CPED1: variants seen among roughly 807,000 people sequenced by gnomAD.
CPED1 encodes cadherin-like and PC-esterase domain-containing protein 1.
In CPED1, 114 loss-of-function variants were observed where a neutral mutation model predicts 128.2. The observed-to-expected ratio is 0.89, with a 90% CI of 0.76 to 1.04. The LOEUF is 1.04. Among genes scored for constraint, CPED1 ranks in the 50% least tolerant of loss-of-function variants. The pLI is 0.00. For missense variants in CPED1, 1,211 were observed against 1,207.1 expected (o/e 1.00, Z -0.05); for synonymous variants, 462 against 426.7 (o/e 1.08, Z -1.02).
At chr7:121,137,696 T>C (rs2116355559) in intron 14 of CPED1, among the ~76,000 whole-genome samples, 1 of 152,204 alleles carries the variant, frequency 6.6e-6, no homozygotes, top group Middle Eastern at 3.4e-3. Context: ...GTATTACTTA[T>C]GCCATTCCTT....
chr7:121,249,816 T>C lies in CPED1; in HGVS notation c.2310+5478T>C, dbSNP rs191128942. Among the ~76,000 whole-genome samples, 27 of 152,248 alleles carry C rather than the reference T, an allele frequency of 1.8e-4. No individual in the cohort carries two copies. In the East Asian group the frequency reaches 4.4e-3, roughly 25 times the overall value. On this transcript the variant is annotated intron_variant, in intron 18 of 22. Transcript: ENST00000310396. ...CCCAATACAGGAGTACCCAGATTCA[T>C]AAAGCAAGTCCTTAGTGACCTATAA...
chr7:121,271,190 TA>T (rs1562858151), intron 21 of CPED1, 93 bp from the exon 22 acceptor site: 1 of 1,003,082 alleles, frequency 1.0e-6, no homozygotes, highest in Non-Finnish European at 1.5e-6. Flanking sequence ...CTAATCCCAG[TA>T]AAAAAGACAT....
intron 7 of CPED1, among the ~76,000 whole-genome samples, chr7:121,115,492 A>G (rs1795215525): frequency 6.6e-6 from 1 of 152,174 alleles, no homozygotes; most frequent in African/African-American, 2.4e-5. Context: ...GTGATTGACC[A>G]GGAAACTTAA....
chr7:121,050,150 G>A (rs1270628358), intron 4 of CPED1, among the ~76,000 whole-genome samples: 1 of 152,100 alleles, frequency 6.6e-6, no homozygotes, highest in East Asian at 1.9e-4. Context: ...CTTCATCCTT[G>A]AGCCCTTCCT....
intron 3 of CPED1, among the ~76,000 whole-genome samples, chr7:121,030,551 G>C (rs1792703598): frequency 6.6e-6 from 1 of 152,118 alleles, no homozygotes; most frequent in African/African-American, 2.4e-5. Context: ...GAGTCACTTG[G>C]TAGCCTTCTT....
intron 11 of CPED1, among the ~76,000 whole-genome samples, chr7:121,129,336 CGT>C (rs1795605955): frequency 9.5e-6 from 1 of 105,424 alleles, no homozygotes; most frequent in Admixed American, 9.1e-5. Context: ...TATATATATA[CGT>C]ATATATATAT....
intron 2 of CPED1, among the ~76,000 whole-genome samples, chr7:120,997,927 A>AAAAT (rs1796434941): frequency 6.1e-5 from 8 of 130,862 alleles, no homozygotes; most frequent in African/African-American, 8.9e-5. Flanking sequence ...GGTCTCGAAA[A>AAAAT]AAAATAAAAT....
chr7:121,174,955 T>C (rs1310462532), intron 16 of CPED1, among the ~76,000 whole-genome samples: 1 of 152,114 alleles, frequency 6.6e-6, no homozygotes, highest in Non-Finnish European at 1.5e-5. Flanking sequence ...TGGTTAGCTG[T>C]ATTCCTGGGT....
chr7:121,132,063 A>G (rs568552780), intron 12 of CPED1, among the ~76,000 whole-genome samples: 162 of 152,046 alleles, frequency 1.1e-3, no homozygotes, highest in African/African-American at 3.6e-3. Flanking sequence ...CAATTAGTAT[A>G]TTGCTAATTT....
intron 16 of CPED1, among the ~76,000 whole-genome samples, chr7:121,160,874 A>G (rs903521744): frequency 6.6e-6 from 1 of 151,518 alleles, no homozygotes; most frequent in Non-Finnish European, 1.5e-5. Context: ...TGAGCCTCTC[A>G]ATGCTCCAGA....
intron 14 of CPED1, among the ~76,000 whole-genome samples, chr7:121,139,942 A>G (rs1365328463): frequency 1.1e-4 from 17 of 151,886 alleles, no homozygotes; most frequent in Non-Finnish European, 2.5e-4. Flanking sequence ...CTTTGTTAGC[A>G]TTTTGTTGAC....
intron 4 of CPED1, chr7:121,051,638 C>G: frequency 3.0e-6 from 1 of 328,602 alleles, no homozygotes; most frequent in South Asian, 2.5e-5. Flanking sequence ...CAAAGAAAAC[C>G]ACTCCTTGAT....
intron 11 of CPED1, 32 bp from the exon 12 acceptor site, chr7:121,130,093 C>T: frequency 6.4e-7 from 1 of 1,555,586 alleles, no homozygotes; most frequent in South Asian, 1.1e-5. Flanking sequence ...AATTTGTTTT[C>T]CATAACTTAT....
chr7:121,085,706 C>A (rs1794406838), intron 5 of CPED1, among the ~76,000 whole-genome samples: 1 of 152,178 alleles, frequency 6.6e-6, no homozygotes, highest in African/African-American at 2.4e-5. Context: ...CCTTATTGAA[C>A]ATGGATTAGT....
intron 2 of CPED1, among the ~76,000 whole-genome samples, chr7:120,998,981 C>G (rs1791750347): frequency 6.6e-6 from 1 of 152,086 alleles, no homozygotes; most frequent in African/African-American, 2.4e-5. Flanking sequence ...ATATAAGCTC[C>G]TTCAGATCAA....
At chr7:121,051,054 G>T (rs1441261259) in intron 4 of CPED1, 1 of 534,306 alleles carries the variant, frequency 1.9e-6, no homozygotes, top group Non-Finnish European at 3.8e-6. Context: ...GCAAAAATGT[G>T]CAAACAAAAG....
At chr7:121,264,742 T>A (rs1239530392) in intron 18 of CPED1, among the ~76,000 whole-genome samples, 1 of 151,790 alleles carries the variant, frequency 6.6e-6, no homozygotes, top group African/African-American at 2.4e-5. Context: ...GAAAGAGAAA[T>A]CTCCAAAGAA....
intron 17 of CPED1, among the ~76,000 whole-genome samples, chr7:121,242,184 T>C (rs1043904423): frequency 1.3e-4 from 20 of 152,218 alleles, no homozygotes; most frequent in Admixed American, 1.2e-3. Context: ...GCTATAGTTA[T>C]TCTATATTAC....
rs1209829099 is a variant in CPED1, at chr7:121,015,713, A to T, written c.298A>T (p.Ile100Leu). The change falls in exon 3 of 23, where the codon ATA becomes TTA. Residue 100 changes from isoleucine (I) to leucine (L), a missense_variant. Physicochemically the swap from Ile to Leu is conservative, Grantham distance 5. Transcript: ENST00000310396. ...THFGSHGRRAILYRPPFYSKT... is the reference protein window; with the variant it reads ...THFGSHGRRALLYRPPFYSKT... ...CTTTGGCAGCCATGGCCGAAGGGCC[A>T]TACTCTACAGGCCTCCTTTCTACAG... is the stretch of plus-strand genomic sequence containing the variant. The T allele has an allele frequency of 6.8e-6, 11 of 1,608,646 alleles. No individual in the cohort carries two copies. The highest frequency in any genetic ancestry group is 8.5e-6 in the Non-Finnish European group (10 of 1,178,466).
Sources: gnomAD v4.1 joint callset for allele counts (sites outside exome capture counted in the v4.1 genomes callset) on GRCh38, gnomAD v4.1.1 for gene constraint, MANE v1.5 for transcripts, NCBI Gene and HGNC (gene_info 2026-07-23, HGNC 2026-07-21) for gene names.